The following EGLN1 variants were observed in gnomAD, a reference collection of about 807,000 sequenced individuals.
The protein encoded by EGLN1 is egl-9 family hypoxia inducible factor 1.
Under a neutral mutation model 38.3 loss-of-function variants are expected in EGLN1, and 17 were observed. The ratio of observed to expected loss-of-function variants is 0.44; its 90% CI spans 0.30 to 0.67. The LOEUF is 0.67. Among genes scored for constraint, EGLN1 ranks in the 30% least tolerant of loss-of-function variants. The pLI is 0.08. For missense variants in EGLN1, 477 were observed against 603.3 expected, an observed-to-expected ratio of 0.79 and a Z score of 2.19; for synonymous variants, 283 against 257.5, an observed-to-expected ratio of 1.10 and a Z score of -0.95.
intron 1 of EGLN1, among the ~76,000 whole-genome samples, chr1:231,408,728 G>T (rs769640925): frequency 6.6e-6 from 1 of 152,132 alleles, no homozygotes; most frequent in Non-Finnish European, 1.5e-5. Context: ...AATGGGAATG[G>T]AAACCAGCCA....
Position 231,364,679 on chromosome 1 carries a change from G to A in EGLN1, c.*1732C>T, listed in dbSNP as rs1260934807. The stretch of plus-strand genomic sequence containing the variant: ...AAATTACTGAGCTTCCCATAGAAAA[G>A]GTCTCAAATTGAATACAAACTATAC... On this transcript the variant is annotated 3_prime_UTR_variant, in exon 5 of 5. Coordinates refer to ENST00000366641, the MANE Select transcript of EGLN1 (RefSeq NM_022051.3). 1 of 152,076 alleles carries A rather than the reference G, an allele frequency of 6.6e-6. No individual in the cohort carries two copies. Among genetic ancestry groups the A allele is most frequent in the Non-Finnish European group, 1.5e-5 (1 of 68,016 alleles). The allele number at this position is 152,076 out of a possible 1,614,324, so 9.4% of individuals were successfully genotyped here.
intron 1 of EGLN1, among the ~76,000 whole-genome samples, chr1:231,400,768 G>A (rs367864842): frequency 2.0e-5 from 3 of 152,154 alleles, no homozygotes; most frequent in Non-Finnish European, 4.4e-5. Context: ...AAAATTGAGA[G>A]GCCATGTCTG....
intron 1 of EGLN1, among the ~76,000 whole-genome samples, chr1:231,375,547 C>G (rs1687937416): frequency 6.6e-6 from 1 of 152,296 alleles, no homozygotes; most frequent in East Asian, 1.9e-4. Context: ...TTTAAAAATC[C>G]TGTTTCCCTA....
At chr1:231,411,877 T>TA (rs1391767199) in intron 1 of EGLN1, among the ~76,000 whole-genome samples, 2 of 151,496 alleles carry the variant, frequency 1.3e-5, no homozygotes, top group Non-Finnish European at 2.9e-5. Context: ...TGGGCACCTG[T>TA]AGTCCCAGCT....
chr1:231,411,124 T>C (rs1300102071), intron 1 of EGLN1, among the ~76,000 whole-genome samples: 1 of 152,188 alleles, frequency 6.6e-6, no homozygotes, highest in Non-Finnish European at 1.5e-5. Flanking sequence ...CCAAATCTCA[T>C]ATTGAATTAT....
At chr1:231,366,555 C>T in intron 4 of EGLN1, 80 bp from the exon 5 acceptor site, 1 of 1,387,416 alleles carries the variant, frequency 7.2e-7, no homozygotes, top group Non-Finnish European at 1.0e-6. Context: ...CACTGAATTC[C>T]TAAGAGTATG....
At chr1:231,378,076 G>C (rs1688001369) in intron 1 of EGLN1, among the ~76,000 whole-genome samples, 1 of 152,082 alleles carries the variant, frequency 6.6e-6, no homozygotes, top group African/African-American at 2.4e-5. Flanking sequence ...GGTCCCTTGT[G>C]CTCTGCTCTG....
intron 1 of EGLN1, among the ~76,000 whole-genome samples, chr1:231,392,093 C>A (rs902525984): frequency 6.6e-6 from 1 of 152,122 alleles, no homozygotes; most frequent in African/African-American, 2.4e-5. Flanking sequence ...CAAGACCATC[C>A]TGGCTAACAT....
At chr1:231,369,194 CA>C (rs1687748363) in intron 3 of EGLN1, among the ~76,000 whole-genome samples, 1 of 152,148 alleles carries the variant, frequency 6.6e-6, no homozygotes, top group Non-Finnish European at 1.5e-5. Context: ...AACACGACTG[CA>C]CCCCTTGCCT....
intron 1 of EGLN1, among the ~76,000 whole-genome samples, chr1:231,384,276 C>T (rs1688140208): frequency 6.6e-6 from 1 of 151,916 alleles, no homozygotes; most frequent in Non-Finnish European, 1.5e-5. Flanking sequence ...CTTGGGGATA[C>T]ACTACTTAAT....
intron 1 of EGLN1, among the ~76,000 whole-genome samples, chr1:231,385,919 T>C (rs1363266774): frequency 1.3e-5 from 2 of 152,182 alleles, no homozygotes; most frequent in Admixed American, 6.5e-5. Flanking sequence ...GGCGTGATCA[T>C]GGCTCAATGC....
Position 231,407,077 on chromosome 1 carries a change from A to G in EGLN1, c.891+13921T>C, listed in dbSNP as rs552435105. Reference sequence around the variant, plus strand: ...CAGAGAATAAAAATACATTTTAAGCATCAAAACTAAGCAAAACTGGCAGGT... The same window carrying G: ...CAGAGAATAAAAATACATTTTAAGCGTCAAAACTAAGCAAAACTGGCAGGT... On this transcript the variant is annotated intron_variant, in intron 1 of 4. Transcript: ENST00000366641. Among the ~76,000 whole-genome samples the G allele has an allele frequency of 5.9e-5, 9 of 152,296 alleles. No individual in the cohort carries two copies. The South Asian group carries it at 1.9e-3, about 32-fold the overall frequency.
chr1:231,416,593 T>C (rs1689089429), intron 1 of EGLN1, among the ~76,000 whole-genome samples: 1 of 151,968 alleles, frequency 6.6e-6, no homozygotes, highest in South Asian at 2.1e-4. Context: ...CTTGAACTCC[T>C]GGGCTCAAGC....
chr1:231,376,460 C>T (rs905843356), intron 1 of EGLN1, among the ~76,000 whole-genome samples: 2 of 152,136 alleles, frequency 1.3e-5, no homozygotes, highest in African/African-American at 2.4e-5. Flanking sequence ...TGCTGGCATA[C>T]TGTTATAATT....
chr1:231,407,233 C>G (rs1241215644), intron 1 of EGLN1, among the ~76,000 whole-genome samples: 1 of 152,156 alleles, frequency 6.6e-6, no homozygotes, highest in Admixed American at 6.5e-5. Flanking sequence ...CTAGTTAAAG[C>G]AACTGCTTCT....
At chr1:231,381,421 GA>G (rs1688076084) in intron 1 of EGLN1, among the ~76,000 whole-genome samples, 1 of 151,974 alleles carries the variant, frequency 6.6e-6, no homozygotes, top group African/African-American at 2.4e-5. Context: ...GAAAAATACA[GA>G]AAAACAATGA....
chr1:231,372,678 C>T (rs904626318), intron 2 of EGLN1, among the ~76,000 whole-genome samples: 1 of 152,144 alleles, frequency 6.6e-6, no homozygotes, highest in African/African-American at 2.4e-5. Flanking sequence ...TGACATGCCT[C>T]AATATATACT....
intron 1 of EGLN1, among the ~76,000 whole-genome samples, chr1:231,400,788 G>A (rs553350274): frequency 7.2e-5 from 11 of 152,268 alleles, no homozygotes; most frequent in Non-Finnish European, 1.2e-4. Context: ...GGTGGCTCAC[G>A]CCTGTAATCC....
intron 1 of EGLN1, among the ~76,000 whole-genome samples, chr1:231,394,411 C>A (rs992107089): frequency 2.7e-5 from 4 of 150,312 alleles, no homozygotes; most frequent in Admixed American, 2.0e-4. Flanking sequence ...CGGAGTCTCG[C>A]TCTGTTGCCC....
Sources: allele counts gnomAD v4.1 joint callset (sites outside exome capture counted in the v4.1 genomes callset), GRCh38; gene constraint gnomAD v4.1.1; transcripts MANE v1.5; gene names NCBI Gene and HGNC (gene_info 2026-07-23, HGNC 2026-07-21).